Variants in MPP7 observed in about 807,000 individuals in gnomAD.
The protein encoded by MPP7 is MAGUK p55 scaffold protein 7.
Under a neutral mutation model 76.5 loss-of-function variants are expected in MPP7, and 60 were observed. That is an observed-to-expected ratio of 0.78 (90% confidence interval 0.64 to 0.97). The LOEUF (loss-of-function observed/expected upper bound fraction) is 0.97, where lower values mean the gene tolerates loss of function less well. MPP7 is among the 50% of genes least tolerant of loss of function. The probability of loss-of-function intolerance (pLI) is 0.00; values close to 1 mark genes in which losing one functional copy is unlikely to be tolerated. For synonymous variants in MPP7, 237 were observed against 244.5 expected (o/e 0.97, Z 0.29); for missense variants, 641 against 694.0 (o/e 0.92, Z 0.86).
At chr10:28,211,441 T>G (rs1838131810) in intron 2 of MPP7, among the ~76,000 whole-genome samples, 1 of 124,232 alleles carries the variant, frequency 8.0e-6, no homozygotes, top group African/African-American at 3.3e-5. Flanking sequence ...GTATATTTTT[T>G]GCCATATATA....
chr10:28,298,815 T>C lies in MPP7; in HGVS notation c.-132+4046A>G, dbSNP rs538853113. ...CATCAGTGATCTTAGCTAGATATTC[T>C]GGATAACATGCTACAGCTTCTATAT... On this transcript the variant is annotated intron_variant, in intron 1 of 16. Coordinates refer to ENST00000683449, the MANE Select transcript of MPP7 (RefSeq NM_001318170.2). Among the ~76,000 whole-genome samples the C allele has an allele frequency of 5.5e-3, 833 of 152,372 alleles. 12 individuals are homozygous for C. The highest frequency in any genetic ancestry group is 0.02 in the African/African-American group (814 of 41,586).
chr10:28,261,490 G>T (rs1242620321), intron 1 of MPP7, among the ~76,000 whole-genome samples: 1 of 152,152 alleles, frequency 6.6e-6, no homozygotes, highest in Non-Finnish European at 1.5e-5. Flanking sequence ...TCATAAGTGG[G>T]ACAGCAGAGA....
intron 3 of MPP7, among the ~76,000 whole-genome samples, chr10:28,164,211 A>G (rs1040351297): frequency 6.6e-5 from 10 of 152,168 alleles, no homozygotes; most frequent in African/African-American, 2.2e-4. Context: ...GACTGTCTGC[A>G]GTTTGAGAAG....
intron 12 of MPP7, among the ~76,000 whole-genome samples, chr10:28,078,137 G>C (rs909704230): frequency 9.9e-5 from 15 of 152,178 alleles, no homozygotes; most frequent in African/African-American, 3.4e-4. Flanking sequence ...AAAAGAATAT[G>C]CCAATAAAAC....
rs1834748457 is a variant in MPP7 at position 28,119,120 on chromosome 10, G to A, written c.952+531C>T. On this transcript the variant is annotated intron_variant, in intron 11 of 16. Transcript: ENST00000683449. ...TAAGTTTTTCAGTAGTCATACGGTA[G>A]CCATCCTTTGTCTTTCTCTCATTTT... The A allele has an allele frequency of 8.6e-6, 8 of 931,446 alleles. No individual in the cohort carries two copies. In the South Asian group the frequency reaches 4.0e-4, roughly 46 times the overall value. 57.7% of individuals were successfully genotyped at this position (931,446 alleles called of 1,614,324 possible). A position where few individuals can be genotyped will look rare whatever the true frequency, so the allele number is the denominator to read the frequency against.
intron 11 of MPP7, among the ~76,000 whole-genome samples, chr10:28,109,848 C>CAAAAAAA (rs869206744): frequency 0.029 from 562 of 19,136 alleles, 112 homozygotes; most frequent in East Asian, 0.099. Context: ...GCCGCAGACG[C>CAAAAAAA]AAAAAAAAAA....
chr10:28,083,438 T>G (rs986442986), intron 12 of MPP7, among the ~76,000 whole-genome samples: 1 of 152,162 alleles, frequency 6.6e-6, no homozygotes, highest in African/African-American at 2.4e-5. Flanking sequence ...TGTACAGGCA[T>G]TCTTGATTCT....
At chr10:28,120,413 G>A in intron 9 of MPP7, 23 bp from the exon 10 acceptor site, 1 of 1,589,512 alleles carries the variant, frequency 6.3e-7, no homozygotes, top group Non-Finnish European at 8.6e-7. Flanking sequence ...TTTCATTAAA[G>A]ATGAATAAAG....
intron 2 of MPP7, among the ~76,000 whole-genome samples, chr10:28,213,791 CAA>C (rs575725136): frequency 1.2e-4 from 7 of 58,062 alleles, no homozygotes; most frequent in South Asian, 5.3e-4. Flanking sequence ...GACTCTGTCT[CAA>C]AAAAAAAAAA....
intron 5 of MPP7, among the ~76,000 whole-genome samples, chr10:28,144,723 T>C (rs1475974668): frequency 6.6e-6 from 1 of 152,150 alleles, no homozygotes; most frequent in Non-Finnish European, 1.5e-5. Flanking sequence ...CTCTGTAAAG[T>C]TTTCTTCAAT....
At chr10:28,165,879 G>T (rs1374497898) in intron 3 of MPP7, among the ~76,000 whole-genome samples, 2 of 152,076 alleles carry the variant, frequency 1.3e-5, no homozygotes, top group Non-Finnish European at 2.9e-5. Context: ...GCAAAAATTA[G>T]CTGGGCGTGG....
Position 28,078,548 on chromosome 10 carries a change from G to A in MPP7, c.1124-8696C>T, listed in dbSNP as rs1852605678. ...ATTCAGGCAGTAAACTAAAGTTGGT[G>A]TGTCTCTTAGCTTTGAAAAGAATGT... On this transcript the variant is annotated intron_variant, in intron 12 of 16. Coordinates refer to ENST00000683449, the MANE Select transcript of MPP7 (RefSeq NM_001318170.2). Among the ~76,000 whole-genome samples the A allele has an allele frequency of 2.0e-5, 3 of 152,236 alleles. No homozygotes were observed. The South Asian group carries it at 6.2e-4, about 32-fold the overall frequency.
At chr10:28,185,623 T>G (rs1220141703) in intron 3 of MPP7, among the ~76,000 whole-genome samples, 1 of 152,140 alleles carries the variant, frequency 6.6e-6, no homozygotes, top group Non-Finnish European at 1.5e-5. Context: ...CACTCACACA[T>G]CCAATCATTT....
intron 5 of MPP7, among the ~76,000 whole-genome samples, chr10:28,137,227 A>G (rs1283622256): frequency 6.6e-6 from 1 of 152,198 alleles, no homozygotes; most frequent in Non-Finnish European, 1.5e-5. Context: ...AGAATTCTAT[A>G]CCCAGCAAAA....
At chr10:28,107,507 A>G (rs56349465) in intron 11 of MPP7, among the ~76,000 whole-genome samples, 15,000 of 152,104 alleles carry the variant, frequency 0.099, 1,496 homozygotes, top group East Asian at 0.5. Context: ...CCTGTATCCA[A>G]GCTCTCAGGG....
intron 3 of MPP7, 77 bp downstream of exon 3, chr10:28,202,076 T>A (rs1448594774): frequency 2.4e-5 from 23 of 975,240 alleles, no homozygotes; most frequent in Admixed American, 3.8e-5. Context: ...CAATTTGATC[T>A]CTGGTTTACT....
intron 2 of MPP7, among the ~76,000 whole-genome samples, chr10:28,206,916 G>T (rs1247909068): frequency 6.6e-6 from 1 of 151,720 alleles, no homozygotes; most frequent in Non-Finnish European, 1.5e-5. Context: ...TCTTTGCAAC[G>T]TTTTTTTTCT....
At chr10:28,288,808 G>GAAGCTCAGC (rs1396832292) in intron 1 of MPP7, among the ~76,000 whole-genome samples, 1 of 152,084 alleles carries the variant, frequency 6.6e-6, no homozygotes, top group Non-Finnish European at 1.5e-5. Context: ...CTAAAAGTTG[G>GAAGCTCAGC]AAGCTCAGCA....
intron 8 of MPP7, among the ~76,000 whole-genome samples, chr10:28,123,192 C>T (rs989529197): frequency 6.6e-6 from 1 of 152,130 alleles, no homozygotes. Context: ...TATAGGTTTC[C>T]AGTATGTTTT....
Sources: gnomAD v4.1 joint callset for allele counts (sites outside exome capture counted in the v4.1 genomes callset) on GRCh38, gnomAD v4.1.1 for gene constraint, MANE v1.5 for transcripts, NCBI Gene and HGNC (gene_info 2026-07-23, HGNC 2026-07-21) for gene names.